The following PPP1R12B variants were observed in gnomAD, a reference collection of about 807,000 sequenced individuals.
PPP1R12B encodes the protein protein phosphatase 1 regulatory subunit 12B, also known as myosin phosphatase target subunit 2.
Under a neutral mutation model 126.1 loss-of-function variants are expected in PPP1R12B, and 76 were observed. The ratio of observed to expected loss-of-function variants is 0.60; its 90% confidence interval spans 0.50 to 0.73. The LOEUF (loss-of-function observed/expected upper bound fraction) is 0.73, where lower values mean the gene tolerates loss of function less well. Ranked by LOEUF, PPP1R12B falls within the 30% of genes least tolerant of loss-of-function variation. The pLI is 0.00. For synonymous variants in PPP1R12B, 356 were observed against 434.7 expected (o/e 0.82, Z 2.25); for missense variants, 1,052 against 1,205.1 (o/e 0.87, Z 1.88).
intron 12 of PPP1R12B, among the ~76,000 whole-genome samples, chr1:202,444,745 A>G (rs1672028513): frequency 6.6e-6 from 1 of 151,992 alleles, no homozygotes; most frequent in Admixed American, 6.6e-5. Context: ...CATATATTCT[A>G]CTTTCCTGCT....
intron 1 of PPP1R12B, among the ~76,000 whole-genome samples, chr1:202,368,417 A>G (rs989138545): frequency 2.0e-5 from 3 of 152,216 alleles, no homozygotes; most frequent in Non-Finnish European, 4.4e-5. Context: ...TGTCAGTGCC[A>G]TGCTTGTGCA....
intron 1 of PPP1R12B, among the ~76,000 whole-genome samples, chr1:202,351,325 G>A (rs1053082203): frequency 2.7e-5 from 4 of 149,468 alleles, no homozygotes; most frequent in South Asian, 2.1e-4. Context: ...TGCAACCTCC[G>A]TCTCCCAAGT....
chr1:202,569,405 G>T (rs529842110), intron 23 of PPP1R12B, among the ~76,000 whole-genome samples: 3 of 152,244 alleles, frequency 2.0e-5, no homozygotes, highest in East Asian at 3.9e-4. Flanking sequence ...CACCTTAAAG[G>T]CATTCTAGGA....
chr1:202,536,371 A>G (rs915112633), intron 18 of PPP1R12B, among the ~76,000 whole-genome samples: 3 of 152,214 alleles, frequency 2.0e-5, no homozygotes, highest in African/African-American at 7.2e-5. Flanking sequence ...CATGATAAGT[A>G]TTTGTGTGTC....
chr1:202,372,217 T>C (rs1179582083), intron 1 of PPP1R12B, among the ~76,000 whole-genome samples: 1 of 152,124 alleles, frequency 6.6e-6, no homozygotes, highest in Non-Finnish European at 1.5e-5. Context: ...ATAAAAGTAA[T>C]TTTTGGCCGG....
chr1:202,499,386 C>T (rs763648783), intron 18 of PPP1R12B, among the ~76,000 whole-genome samples: 1 of 152,182 alleles, frequency 6.6e-6, no homozygotes, highest in African/African-American at 2.4e-5. Flanking sequence ...TCCCAAGTAG[C>T]TGGGAGTACA....
chr1:202,353,946 G>T (rs1286755453), intron 1 of PPP1R12B, among the ~76,000 whole-genome samples: 7 of 151,806 alleles, frequency 4.6e-5, no homozygotes, highest in Non-Finnish European at 8.8e-5. Context: ...CTGAATAACT[G>T]TATATCACCA....
At chr1:202,493,872 T>C (rs571901824) in intron 15 of PPP1R12B, among the ~76,000 whole-genome samples, 1 of 152,240 alleles carries the variant, frequency 6.6e-6, no homozygotes, top group Non-Finnish European at 1.5e-5. Flanking sequence ...TTTTTCAAAC[T>C]CTTATAAACC....
At chr1:202,507,436 A>AG (rs1680932439) in intron 18 of PPP1R12B, among the ~76,000 whole-genome samples, 1 of 152,178 alleles carries the variant, frequency 6.6e-6, no homozygotes, top group Non-Finnish European at 1.5e-5. Flanking sequence ...CAGGATAGTA[A>AG]GGGGGTGTTA....
chr1:202,417,319 A>G, intron 2 of PPP1R12B: 3 of 985,342 alleles, frequency 3.0e-6, no homozygotes, highest in Middle Eastern at 5.2e-4. Flanking sequence ...ACAAATGAAG[A>G]TAAAAAATGC....
intron 18 of PPP1R12B, among the ~76,000 whole-genome samples, chr1:202,514,465 C>A (rs1335761560): frequency 6.6e-6 from 1 of 152,106 alleles, no homozygotes; most frequent in Non-Finnish European, 1.5e-5. Context: ...GCTTTTGTTG[C>A]GATTGCTTTT....
At chr1:202,501,974 G>C in intron 18 of PPP1R12B, 2 of 985,742 alleles carry the variant, frequency 2.0e-6, no homozygotes, top group Non-Finnish European at 2.4e-6. Flanking sequence ...AGTGGGTAGA[G>C]CATCAGCATT....
At chr1:202,411,526 T>G (rs1667383636) in intron 1 of PPP1R12B, among the ~76,000 whole-genome samples, 1 of 152,004 alleles carries the variant, frequency 6.6e-6, no homozygotes, top group East Asian at 1.9e-4. Flanking sequence ...ACCAAACTTC[T>G]TTCCTCCTAT....
At chr1:202,356,896 A>G (rs1185750850) in intron 1 of PPP1R12B, among the ~76,000 whole-genome samples, 1 of 149,198 alleles carries the variant, frequency 6.7e-6, no homozygotes, top group Non-Finnish European at 1.5e-5. Flanking sequence ...ATCTTGGCTC[A>G]CTACAACCTC....
At chr1:202,477,503 G>T (rs936924721) in intron 13 of PPP1R12B, among the ~76,000 whole-genome samples, 3 of 152,152 alleles carry the variant, frequency 2.0e-5, no homozygotes, top group Non-Finnish European at 4.4e-5. Context: ...ATTATTTATT[G>T]TGACTTTTAA....
chr1:202,416,678 T>C (rs1225459647), intron 1 of PPP1R12B, 109 bp from the exon 2 acceptor site: 13 of 934,346 alleles, frequency 1.4e-5, no homozygotes, highest in Non-Finnish European at 1.8e-5. Flanking sequence ...AAATAGAAAT[T>C]AATGTATTAT....
chr1:202,424,250 T>G (rs762731323), intron 3 of PPP1R12B, among the ~76,000 whole-genome samples: 8 of 152,114 alleles, frequency 5.3e-5, no homozygotes, highest in Admixed American at 1.3e-4. Context: ...CTGATCTGAT[T>G]TAAATTGGTT....
chr1:202,451,736 A>T (rs1180398780), intron 13 of PPP1R12B, among the ~76,000 whole-genome samples: 2 of 151,502 alleles, frequency 1.3e-5, no homozygotes, highest in Non-Finnish European at 2.9e-5. Flanking sequence ...CTCACTTCCC[A>T]GTAGGGGCGG....
At chr1:202,480,148 A>C (rs1318403670) in intron 13 of PPP1R12B, among the ~76,000 whole-genome samples, 1 of 152,218 alleles carries the variant, frequency 6.6e-6, no homozygotes, top group East Asian at 1.9e-4. Context: ...GAAGTAGATA[A>C]GAAGTAGAGA....
Sources: allele counts gnomAD v4.1 joint callset (sites outside exome capture counted in the v4.1 genomes callset), GRCh38; gene constraint gnomAD v4.1.1; transcripts MANE v1.5; gene names NCBI Gene and HGNC (gene_info 2026-07-23, HGNC 2026-07-21).